Variants in WBP2 observed in about 807,000 individuals in gnomAD.
WBP2 encodes WW domain binding protein 2, also known as WW domain-binding protein 2.
WBP2 carries 23 observed loss-of-function variants against 33.0 expected under a neutral mutation model. The observed-to-expected ratio is 0.70, with a 90% CI of 0.50 to 0.99. The LOEUF (loss-of-function observed/expected upper bound fraction) is 0.99. Among genes scored for constraint, WBP2 ranks in the 50% least tolerant of loss-of-function variants. The pLI is 0.00. For missense variants in WBP2, 353 were observed against 358.0 expected, an observed-to-expected ratio of 0.99 and a Z score of 0.11; for synonymous variants, 153 against 133.5, an observed-to-expected ratio of 1.15 and a Z score of -1.01.
rs757852655 is a variant in WBP2, at chr17:75,851,629, T to C, written c.107A>G (p.Lys36Arg). The part of the protein sequence containing the change: ...DHVELTFNDM[K>R]NVPEAFKGTK... ...CCCTTTGAAGGCTTCTGGCACGTTC[T>C]TCATGTCATTGAATGTGAGTTCCAC... Residue 36 changes from lysine (K) to arginine (R), a missense_variant, in exon 2 of 8, where the codon AAG (lysine) becomes AGG (arginine). Physicochemically the swap from Lys to Arg is conservative, Grantham distance 26. Transcript: ENST00000254806. The C allele has an allele frequency of 6.2e-7, 1 of 1,613,804 alleles. No individual in the cohort carries two copies. Among genetic ancestry groups the C allele is most frequent in the Non-Finnish European group, 8.5e-7 (1 of 1,179,742 alleles).
chr17:75,846,258 G>A lies in WBP2; in HGVS notation c.*476C>T, dbSNP rs79220087. 5,527 of 165,566 alleles carry A rather than the reference G, an allele frequency of 0.033. 162 individuals carry two copies. Among genetic ancestry groups the A allele is most frequent in the African/African-American group, 0.076 (3,149 of 41,626 alleles). The allele number at this position is 165,566 out of a possible 1,614,324, so 10.3% of individuals were successfully genotyped here. On this transcript the variant is annotated 3_prime_UTR_variant, in exon 8 of 8. Transcript: ENST00000254806. This position sits in a 1 kb window ranked among gnomAD's most constrained non-coding sequence, Gnocchi z 4.8. ...GCTGGACCCTGGCTGAGTGGAATGC[G>A]GGCGCGGTGGCCTTCTGAGACCAGC...
At position 75,846,805 on chromosome 17, in the gene WBP2, G is replaced by T; in HGVS notation, c.733-18C>A. On this transcript the variant is annotated intron_variant, in intron 7 of 7. Coordinates refer to ENST00000254806, the MANE Select transcript of WBP2 (RefSeq NM_012478.4). The surrounding 1 kb of genome is among the most constrained non-coding windows in gnomAD (Gnocchi z 4.8). ...GGCTGGCTCTAAAGAAGGGAGAAAG[G>T]AGAGACTTGCATTAGAAGGTTTAAA... 6.3e-7 allele frequency: 1 copy of T among 1,583,618 alleles called. No individual in the cohort carries two copies. Among genetic ancestry groups the T allele is most frequent in the Non-Finnish European group, 8.6e-7 (1 of 1,163,196 alleles).
rs367924362 is a variant in WBP2 at position 75,851,683 on chromosome 17, T to C, written c.60-7A>G. On this transcript the variant is annotated splice_polypyrimidine_tract_variant and splice_region_variant and intron_variant, in intron 1 of 7. Transcript: ENST00000254806. Reference sequence around the variant, plus strand: ...ATCATAGGACATTAGGATGCTGTGATGAGAAAAGAGGAAAAGCCTCAATGA... The same window carrying C: ...ATCATAGGACATTAGGATGCTGTGACGAGAAAAGAGGAAAAGCCTCAATGA... 3.7e-6 allele frequency: 6 copies of C among 1,608,916 alleles called. No individual in the cohort carries two copies. In the African/African-American group the frequency reaches 4.0e-5, roughly 11 times the overall value.
intron 3 of WBP2, chr17:75,848,982 C>T (rs374872284): frequency 1.5e-5 from 6 of 388,988 alleles, no homozygotes; most frequent in African/African-American, 6.1e-5. Flanking sequence ...TTTCTCTCCG[C>T]CCCCAGTCAA....
intron 2 of WBP2, chr17:75,851,334 G>A (rs941614720): frequency 1.5e-5 from 6 of 410,308 alleles, no homozygotes; most frequent in African/African-American, 6.0e-5. Flanking sequence ...TTGCAGCAGC[G>A]GCTCTGGAAT....
chr17:75,848,875 G>A (rs2065011762), intron 3 of WBP2: 1 of 588,690 alleles, frequency 1.7e-6, no homozygotes, highest in East Asian at 2.8e-5. Context: ...TGCTGTACTC[G>A]CTTCCCCCTT....
Position 75,847,813 on chromosome 17 carries a change from TAGGGGTAGCCAGGAGGGC to T in WBP2, c.497_514del (p.Cys166_Pro171del), listed in dbSNP as rs780597037. 1.2e-5 allele frequency: 19 copies of T among 1,556,826 alleles called. No homozygotes were observed. The East Asian group carries it at 4.1e-4, about 33-fold the overall frequency. On this transcript the variant is annotated inframe_deletion, in exon 5 of 8. Transcript: ENST00000254806. ...ACACTCACCAGGTGGGGGCGGTGGA[TAGGGGTAGCCAGGAGGGC>T]AGGGGTACATTCCATTGGCGACTGG...
intron 4 of WBP2, 95 bp downstream of exon 4, chr17:75,848,475 G>A (rs1278311471): frequency 1.6e-6 from 2 of 1,228,678 alleles, no homozygotes; most frequent in Non-Finnish European, 2.3e-6. Flanking sequence ...TACCTCTTGA[G>A]TTCTTGAAAA....
intron 1 of WBP2, 46 bp downstream of exon 1, chr17:75,855,193 G>A (rs1413517111): frequency 1.2e-6 from 1 of 858,382 alleles, no homozygotes; most frequent in Non-Finnish European, 1.6e-6. Context: ...CCACTTCCTC[G>A]ACACCCGAAC....
intron 1 of WBP2, chr17:75,852,754 C>T (rs2065035504): frequency 1.0e-6 from 1 of 984,816 alleles, no homozygotes; most frequent in Non-Finnish European, 1.2e-6. Flanking sequence ...TGCGCCCGGC[C>T]AACTCTTCTA....
chr17:75,855,106 CAGCCGTT>C, intron 1 of WBP2, 126 bp downstream of exon 1: 9 of 647,560 alleles, frequency 1.4e-5, no homozygotes, highest in South Asian at 9.8e-5. Flanking sequence ...ACCCCGCCCC[CAGCCGTT>C]CCCCACCAAC....
intron 1 of WBP2, among the ~76,000 whole-genome samples, chr17:75,853,101 AC>A (rs1318743539): frequency 6.6e-6 from 1 of 152,082 alleles, no homozygotes; most frequent in Non-Finnish European, 1.5e-5. Flanking sequence ...CTGCAGTGCA[AC>A]ATAGCGTGAT....
At position 75,845,932 on chromosome 17, in the gene WBP2, G is replaced by C. The variant is rs915973390; in HGVS notation, c.*802C>G. On this transcript the variant is annotated 3_prime_UTR_variant, in exon 8 of 8. Transcript: ENST00000254806. ...AAGCAGGCTGGGGGGCTGGTGGCAG[G>C]TCCCGGCCAGCACACAGGGTCAGGG... is the stretch of plus-strand genomic sequence containing the variant. 6.6e-6 allele frequency: 1 copy of C among 152,606 alleles called. No individual in the cohort carries two copies. Among genetic ancestry groups the C allele is most frequent in the Non-Finnish European group, 1.5e-5 (1 of 68,292 alleles). The allele number at this position is 152,606 out of a possible 1,614,324, so 9.5% of individuals were successfully genotyped here. A position where few individuals can be genotyped will look rare whatever the true frequency, so the allele number is the denominator to read the frequency against.
chr17:75,855,463 C>A, upstream of WBP2: 1 of 667,734 alleles, frequency 1.5e-6, no homozygotes, highest in Non-Finnish European at 2.6e-6. Flanking sequence ...TTTACTCCCT[C>A]CTTCCAGTTC....
At chr17:75,855,143 C>T in intron 1 of WBP2, 96 bp downstream of exon 1, 1 of 1,107,048 alleles carries the variant, frequency 9.0e-7, no homozygotes, top group Non-Finnish European at 1.3e-6. Context: ...TCAGTGCTCC[C>T]TCTTCAGGGG....
chr17:75,854,036 C>T (rs2065042909), intron 1 of WBP2, among the ~76,000 whole-genome samples: 1 of 119,650 alleles, frequency 8.4e-6, no homozygotes, highest in Non-Finnish European at 1.6e-5. Context: ...CAGAGCAAGC[C>T]TCCATCTAAA....
chr17:75,848,686 A>T, intron 3 of WBP2, 24 bp from the exon 4 acceptor site: 1 of 1,597,044 alleles, frequency 6.3e-7, no homozygotes, highest in Non-Finnish European at 8.6e-7. Context: ...GACAGTGAAT[A>T]AACAGCACAG....
In WBP2 at chr17:75,846,533, C is replaced by G. The variant is rs1364113706; in HGVS notation, c.*201G>C. On this transcript the variant is annotated 3_prime_UTR_variant, in exon 8 of 8. Coordinates refer to ENST00000254806, the MANE Select transcript of WBP2 (RefSeq NM_012478.4). This position sits in a 1 kb window ranked among gnomAD's most constrained non-coding sequence, Gnocchi z 4.8. ...GGTACGCTGGGCAGCACTGTGGGCT[C>G]CGGGCTGGCATGGGAAGCTGGGCGG... The G allele has an allele frequency of 4.4e-6, 3 of 677,818 alleles. No individual in the cohort carries two copies. The highest frequency in any genetic ancestry group is 7.7e-6 in the Non-Finnish European group (3 of 390,164). The allele number at this position is 677,818 out of a possible 1,614,324, so 42.0% of individuals were successfully genotyped here.
rs756964007 is a variant in WBP2 at position 75,847,529 on chromosome 17, C to A, written c.613G>T (p.Glu205Ter). 6.3e-7 allele frequency: 1 copy of A among 1,594,392 alleles called. No homozygotes were observed. Among genetic ancestry groups the A allele is most frequent in the Non-Finnish European group, 8.5e-7 (1 of 1,169,940 alleles). The change falls in exon 6 of 8, where the codon GAA becomes TAA. Residue 205 changes from glutamate (E) to a stop codon, truncating the protein, a stop_gained. Transcript: ENST00000254806. LOFTEE classifies it high-confidence loss of function. ...ACATCGGGGCCGCTGACCGGAGGTT[C>A]CATGGGCCCAGGGTAGGGCGGTGGT... ...PPPPPYPGPM[E>*]PPVSGPDVPS...
Sources: gnomAD v4.1 joint callset for allele counts (sites outside exome capture counted in the v4.1 genomes callset) on GRCh38, gnomAD v4.1.1 for gene constraint, Gnocchi (gnomAD v3.1) non-coding constraint, MANE v1.5 for transcripts, NCBI Gene and HGNC (gene_info 2026-07-23, HGNC 2026-07-21) for gene names.